PLCL2: variants seen among roughly 807,000 people sequenced by gnomAD.
The protein encoded by PLCL2 is inactive phospholipase C-like protein 2.
In PLCL2, 4 loss-of-function variants were observed where a neutral mutation model predicts 79.6. The ratio of observed to expected loss-of-function variants is 0.05; its 90% CI spans 0.02 to 0.11. The LOEUF (loss-of-function observed/expected upper bound fraction) is 0.11, where lower values mean the gene tolerates loss of function less well. Ranked by LOEUF, PLCL2 falls within the 10% of genes least tolerant of loss-of-function variation. PLCL2 has a pLI of 1.00. For synonymous variants in PLCL2, 484 were observed against 457.7 expected (o/e 1.06, Z -0.73); for missense variants, 895 against 1,291.0 (o/e 0.69, Z 4.70).
Position 16,979,978 on chromosome 3 carries a change from A to G in PLCL2, c.328-29696A>G, listed in dbSNP as rs1308797814. ...GGCCGGACGGGGGGCTGACCCCCCC[A>G]ACCTCCCTCCTGGATGGGGCAGCTG... On this transcript the variant is annotated intron_variant, in intron 1 of 5. Transcript: ENST00000615277. 2.3e-3 allele frequency among the ~76,000 whole-genome samples: 310 copies of G among 135,214 alleles called. 4 individuals are homozygous for G. The highest frequency in any genetic ancestry group is 3.0e-3 in the Non-Finnish European group (189 of 61,992). The allele number at this position is 135,214 out of a possible 152,430, so 88.7% of individuals were successfully genotyped here. A position where few individuals can be genotyped will look rare whatever the true frequency, so the allele number is the denominator to read the frequency against.
At chr3:16,990,469 T>C (rs2124995155) in intron 1 of PLCL2, among the ~76,000 whole-genome samples, 1 of 152,314 alleles carries the variant, frequency 6.6e-6, no homozygotes, top group East Asian at 1.9e-4. Flanking sequence ...GAGACCAAAG[T>C]GTTTGTAAGC....
chr3:17,032,521 C>G (rs1312501307), intron 3 of PLCL2, among the ~76,000 whole-genome samples: 3 of 151,666 alleles, frequency 2.0e-5, no homozygotes, highest in African/African-American at 7.3e-5. Flanking sequence ...ATTTTTTGCC[C>G]ACTATCCTCT....
intron 1 of PLCL2, among the ~76,000 whole-genome samples, chr3:16,965,360 G>C (rs1483048651): frequency 6.6e-6 from 1 of 152,062 alleles, no homozygotes; most frequent in Non-Finnish European, 1.5e-5. Flanking sequence ...TGAGGGCTCT[G>C]TTCTGTTCCA....
At chr3:16,935,661 A>C (rs1292975250) in intron 1 of PLCL2, among the ~76,000 whole-genome samples, 1 of 152,190 alleles carries the variant, frequency 6.6e-6, no homozygotes, top group Non-Finnish European at 1.5e-5. Flanking sequence ...GTGTGGCAGA[A>C]GCAGTTTTAG....
intron 4 of PLCL2, among the ~76,000 whole-genome samples, chr3:17,044,386 T>C (rs185477631): frequency 1.8e-3 from 278 of 152,330 alleles, no homozygotes; most frequent in African/African-American, 6.3e-3. Flanking sequence ...TGTACTTTCT[T>C]CTTTTTCAAT....
intron 1 of PLCL2, among the ~76,000 whole-genome samples, chr3:16,946,293 G>A (rs1304280501): frequency 2.6e-5 from 4 of 151,914 alleles, no homozygotes; most frequent in African/African-American, 7.3e-5. Flanking sequence ...TGGGCCTAGC[G>A]GACGCTTCGG....
intron 3 of PLCL2, among the ~76,000 whole-genome samples, chr3:17,031,718 T>C (rs1393052182): frequency 6.6e-6 from 1 of 152,190 alleles, no homozygotes; most frequent in Non-Finnish European, 1.5e-5. Flanking sequence ...ACAAGACTTC[T>C]GGTCATGTAA....
chr3:17,044,866 T>C (rs2064764542), intron 4 of PLCL2, among the ~76,000 whole-genome samples: 1 of 152,238 alleles, frequency 6.6e-6, no homozygotes, highest in African/African-American at 2.4e-5. Context: ...AAGGGATACA[T>C]GTGCTTGTAC....
chr3:17,006,220 G>T (rs894567405), intron 1 of PLCL2, among the ~76,000 whole-genome samples: 2 of 152,234 alleles, frequency 1.3e-5, no homozygotes, highest in Non-Finnish European at 2.9e-5. Context: ...GCAAGTATTT[G>T]ATCACTGCCA....
intron 1 of PLCL2, among the ~76,000 whole-genome samples, chr3:16,954,177 T>C (rs1164802634): frequency 6.6e-6 from 1 of 152,116 alleles, no homozygotes; most frequent in Middle Eastern, 3.4e-3. Context: ...CCCTCCCCGC[T>C]CCCCCCAGCC....
intron 1 of PLCL2, among the ~76,000 whole-genome samples, chr3:16,907,606 G>T (rs952938607): frequency 6.6e-6 from 1 of 152,224 alleles, no homozygotes; most frequent in Admixed American, 6.5e-5. Flanking sequence ...GCTGGCTGGT[G>T]TGAGTCAGAC....
chr3:16,975,329 G>C (rs188595755), intron 1 of PLCL2, among the ~76,000 whole-genome samples: 14 of 152,182 alleles, frequency 9.2e-5, no homozygotes, highest in Non-Finnish European at 1.9e-4. Flanking sequence ...CTTACTCATG[G>C]CATAGCTCAG....
chr3:17,026,951 C>T (rs1461239241), intron 3 of PLCL2, among the ~76,000 whole-genome samples: 1 of 151,910 alleles, frequency 6.6e-6, no homozygotes, highest in Non-Finnish European at 1.5e-5. Flanking sequence ...TGAATAGAAA[C>T]AGCTATTTCA....
intron 5 of PLCL2, among the ~76,000 whole-genome samples, chr3:17,075,484 C>G (rs1347908715): frequency 6.7e-6 from 1 of 150,196 alleles, no homozygotes; most frequent in African/African-American, 2.5e-5. Flanking sequence ...TGAACACATG[C>G]TGTTGGAAAA....
intron 1 of PLCL2, among the ~76,000 whole-genome samples, chr3:16,913,353 C>G (rs1696924302): frequency 6.6e-6 from 1 of 150,860 alleles, no homozygotes; most frequent in African/African-American, 2.4e-5. Context: ...GTAGGTGTGC[C>G]CTGTATCTTT....
At position 16,885,057 on chromosome 3, in the gene PLCL2, G is replaced by C. The variant is rs1284840111; in HGVS notation, c.18G>C (p.Arg6=). The C allele has an allele frequency of 1.9e-5, 7 of 371,436 alleles. No individual in the cohort carries two copies. Among genetic ancestry groups the C allele is most frequent in the East Asian group, 3.9e-5 (1 of 25,634 alleles). 23.0% of individuals were successfully genotyped at this position (371,436 alleles called of 1,614,324 possible). A position where few individuals can be genotyped will look rare whatever the true frequency, so the allele number is the denominator to read the frequency against. ...GGGCGCCCATGGCGGAGTGCGGCCG[G>C]GGGGGCGCCGCCGGCGGGGCCCTGC... is the stretch of plus-strand genomic sequence containing the variant. The part of the protein sequence containing the change: MAECG[R]GGAAGGALPT... Residue 6 remains arginine (R), a synonymous_variant, in exon 1 of 6, where the codon CGG becomes CGC. Coordinates refer to ENST00000615277, the MANE Select transcript of PLCL2 (RefSeq NM_001144382.2).
chr3:16,917,401 T>G (rs1326880451), intron 1 of PLCL2, among the ~76,000 whole-genome samples: 1 of 152,176 alleles, frequency 6.6e-6, no homozygotes, highest in Admixed American at 6.5e-5. Context: ...ACCATTTTAT[T>G]ATGATCATGA....
chr3:17,089,954 A>G lies in PLCL2; in HGVS notation c.*42A>G, dbSNP rs2065257135. Reference sequence around the variant, plus strand: ...CCATTATGGAGTTTATAACTCTAGGACCAATTGTAGTCAGATGGGACATTT... The same window carrying G: ...CCATTATGGAGTTTATAACTCTAGGGCCAATTGTAGTCAGATGGGACATTT... On this transcript the variant is annotated 3_prime_UTR_variant, in exon 6 of 6. Transcript: ENST00000615277. 1 of 1,574,890 alleles carries G rather than the reference A, an allele frequency of 6.3e-7. No individual in the cohort carries two copies. The highest frequency in any genetic ancestry group is 8.6e-7 in the Non-Finnish European group (1 of 1,160,762).
chr3:16,980,872 G>C (rs544476104), intron 1 of PLCL2, among the ~76,000 whole-genome samples: 1 of 152,240 alleles, frequency 6.6e-6, no homozygotes, highest in African/African-American at 2.4e-5. Context: ...ACGAGACTCC[G>C]TCTGCAATCC....
Sources: allele counts gnomAD v4.1 joint callset (sites outside exome capture counted in the v4.1 genomes callset), GRCh38; gene constraint gnomAD v4.1.1; transcripts MANE v1.5; gene names NCBI Gene and HGNC (gene_info 2026-07-23, HGNC 2026-07-21).